CDH13: variants seen among roughly 807,000 people sequenced by gnomAD.
CDH13 encodes the protein cadherin-13.
In CDH13, 24 loss-of-function variants were observed where a neutral mutation model predicts 63.8. The ratio of observed to expected loss-of-function variants is 0.38; its 90% CI spans 0.27 to 0.53. The LOEUF (loss-of-function observed/expected upper bound fraction) is 0.53, where lower values mean the gene tolerates loss of function less well. Among genes scored for constraint, CDH13 ranks in the 20% least tolerant of loss-of-function variants. The pLI is 0.85. For synonymous variants in CDH13, 503 were observed against 355.3 expected (o/e 1.42, Z -4.67); for missense variants, 1,049 against 903.1 (o/e 1.16, Z -2.07).
intron 1 of CDH13, among the ~76,000 whole-genome samples, chr16:82,652,661 G>C (rs1212431276): frequency 6.9e-6 from 1 of 145,500 alleles, no homozygotes; most frequent in South Asian, 2.2e-4. Context: ...CTGCTGCTGA[G>C]GTTGGCTGTC....
chr16:83,653,919 G>A (rs1187235320), intron 8 of CDH13, among the ~76,000 whole-genome samples: 1 of 152,192 alleles, frequency 6.6e-6, no homozygotes, highest in Non-Finnish European at 1.5e-5. Context: ...ACAGACAGGG[G>A]ATTGAAGGCT....
At chr16:82,784,369 G>T (rs894248240) in intron 1 of CDH13, among the ~76,000 whole-genome samples, 3 of 152,178 alleles carry the variant, frequency 2.0e-5, no homozygotes, top group African/African-American at 7.2e-5. Context: ...CCCATCACTT[G>T]GTCAAATGAC....
intron 7 of CDH13, among the ~76,000 whole-genome samples, chr16:83,539,428 A>G (rs1400286835): frequency 6.6e-6 from 1 of 152,182 alleles, no homozygotes; most frequent in Non-Finnish European, 1.5e-5. Flanking sequence ...ATGGACCAGC[A>G]CTGGTGTGTA....
chr16:82,718,867 G>C (rs372024306), intron 1 of CDH13, among the ~76,000 whole-genome samples: 3 of 152,094 alleles, frequency 2.0e-5, no homozygotes, highest in Non-Finnish European at 4.4e-5. Flanking sequence ...ATTTGGATGG[G>C]GACACAGCTA....
chr16:82,981,399 C>G (rs1460273110), intron 2 of CDH13, among the ~76,000 whole-genome samples: 1 of 152,088 alleles, frequency 6.6e-6, no homozygotes, highest in African/African-American at 2.4e-5. Context: ...TCCTTGACCC[C>G]CTCCTTGGAG....
At chr16:82,919,570 A>T (rs1339585766) in intron 2 of CDH13, among the ~76,000 whole-genome samples, 1 of 152,190 alleles carries the variant, frequency 6.6e-6, no homozygotes, top group African/African-American at 2.4e-5. Flanking sequence ...ATAATACTCC[A>T]CAGTGTACTT....
intron 6 of CDH13, among the ~76,000 whole-genome samples, chr16:83,373,948 G>T (rs1368305191): frequency 1.3e-5 from 2 of 152,166 alleles, no homozygotes; most frequent in African/African-American, 4.8e-5. Flanking sequence ...TGAGCATGCT[G>T]ACCTTACTCA....
intron 1 of CDH13, among the ~76,000 whole-genome samples, chr16:82,757,023 C>T (rs1269652981): frequency 3.3e-5 from 5 of 152,132 alleles, no homozygotes; most frequent in Non-Finnish European, 7.4e-5. Context: ...CTTTGCCTGG[C>T]AAACTGTTAC....
At chr16:83,216,804 G>C (rs770159836) in intron 4 of CDH13, among the ~76,000 whole-genome samples, 1 of 150,634 alleles carries the variant, frequency 6.6e-6, no homozygotes, top group Non-Finnish European at 1.5e-5. Context: ...ATAGATGTGT[G>C]TATGTGTATA....
At chr16:83,748,722 A>C (rs1243910631) in intron 11 of CDH13, among the ~76,000 whole-genome samples, 1 of 152,206 alleles carries the variant, frequency 6.6e-6, no homozygotes, top group Admixed American at 6.5e-5. Flanking sequence ...GCACAACCAC[A>C]AAGCAATTGC....
Position 83,007,835 on chromosome 16 carries a change from AAAG to A in CDH13, c.158-24173_158-24171del, listed in dbSNP as rs1169005580. ...CAAGACGACTCTGTCAAAAAAAAAA[AAAG>A]AGAGAAAAGAAAAATGCCTTAAAAT... On this transcript the variant is annotated intron_variant, in intron 2 of 13. Coordinates refer to ENST00000567109, the MANE Select transcript of CDH13 (RefSeq NM_001257.5). 3.3e-5 allele frequency among the ~76,000 whole-genome samples: 5 copies of A among 152,108 alleles called. No homozygotes were observed. In the South Asian group the frequency reaches 1.0e-3, roughly 32 times the overall value.
At chr16:83,628,893 G>T (rs1387680180) in intron 8 of CDH13, among the ~76,000 whole-genome samples, 1 of 152,162 alleles carries the variant, frequency 6.6e-6, no homozygotes, top group Non-Finnish European at 1.5e-5. Context: ...TTTTAATAAT[G>T]CTTCTGGCTT....
At chr16:82,798,294 C>G (rs988706364) in intron 1 of CDH13, among the ~76,000 whole-genome samples, 5 of 152,198 alleles carry the variant, frequency 3.3e-5, no homozygotes, top group Admixed American at 3.3e-4. Context: ...GAGCCGCACA[C>G]TCAGTAAGCT....
At chr16:82,860,971 C>A (rs1365906913) in intron 2 of CDH13, among the ~76,000 whole-genome samples, 1 of 152,138 alleles carries the variant, frequency 6.6e-6, no homozygotes, top group African/African-American at 2.4e-5. Context: ...TAATGCAAAA[C>A]AAAAACCTTC....
intron 1 of CDH13, among the ~76,000 whole-genome samples, chr16:82,714,655 A>C (rs1438703511): frequency 7.2e-6 from 1 of 139,140 alleles, no homozygotes; most frequent in Non-Finnish European, 1.5e-5. Context: ...TGCTGGTTGC[A>C]GTGAGCCGAG....
chr16:83,588,859 G>C (rs61188364), intron 7 of CDH13, among the ~76,000 whole-genome samples: 2 of 152,166 alleles, frequency 1.3e-5, no homozygotes, highest in Non-Finnish European at 2.9e-5. Context: ...AATGAGGTGC[G>C]GCTGGTGAGG....
At chr16:83,772,229 G>A (rs949755068) in intron 11 of CDH13, among the ~76,000 whole-genome samples, 1 of 120,096 alleles carries the variant, frequency 8.3e-6, no homozygotes, top group Non-Finnish European at 1.9e-5. Flanking sequence ...ATGGAGAAAT[G>A]AAGAAAAATC....
chr16:83,155,646 T>C (rs751533540), intron 4 of CDH13, among the ~76,000 whole-genome samples: 7 of 152,240 alleles, frequency 4.6e-5, no homozygotes, highest in South Asian at 2.1e-4. Flanking sequence ...AATGGATGCA[T>C]TGGGGGCCTA....
intron 3 of CDH13, among the ~76,000 whole-genome samples, chr16:83,093,659 T>C (rs567221480): frequency 1.3e-3 from 192 of 152,190 alleles, no homozygotes; most frequent in African/African-American, 4.5e-3. Flanking sequence ...TTTCAAACAA[T>C]ATGGGAATCA....
Sources: gnomAD v4.1 joint callset for allele counts (sites outside exome capture counted in the v4.1 genomes callset) on GRCh38, gnomAD v4.1.1 for gene constraint, MANE v1.5 for transcripts, NCBI Gene and HGNC (gene_info 2026-07-23, HGNC 2026-07-21) for gene names.